The following SPOCK1 variants were observed in gnomAD, a reference collection of about 807,000 sequenced individuals.
The protein encoded by SPOCK1 is testican-1.
SPOCK1 carries 23 observed loss-of-function variants against 55.3 expected under a neutral mutation model. The ratio of observed to expected loss-of-function variants is 0.42; its 90% CI spans 0.30 to 0.59. The LOEUF is 0.59. SPOCK1 is among the 20% of genes least tolerant of loss of function. The pLI, the probability that SPOCK1 is intolerant of heterozygous loss-of-function variation, is 0.22. For missense variants in SPOCK1, 499 were observed against 552.5 expected, an observed-to-expected ratio of 0.90 and a Z score of 0.97; for synonymous variants, 226 against 221.0, an observed-to-expected ratio of 1.02 and a Z score of -0.20.
At position 137,237,234 on chromosome 5, in the gene SPOCK1, G is replaced by A. The variant is rs546303155; in HGVS notation, c.232+29776C>T. On this transcript the variant is annotated intron_variant, in intron 3 of 10. Coordinates refer to ENST00000394945, the MANE Select transcript of SPOCK1 (RefSeq NM_004598.4). The stretch of plus-strand genomic sequence containing the variant: ...GCACTGTGTGCAGATGAGGTCAAGC[G>A]GGCAGCCCACCATGAGCTCCCATTC... Among the ~76,000 whole-genome samples, 8 of 152,232 alleles carry A rather than the reference G, an allele frequency of 5.3e-5. No homozygotes were observed. In the South Asian group the frequency reaches 1.7e-3, roughly 32 times the overall value.
At chr5:137,081,491 C>A (rs1450047388) in intron 5 of SPOCK1, among the ~76,000 whole-genome samples, 1 of 152,194 alleles carries the variant, frequency 6.6e-6, no homozygotes, top group Non-Finnish European at 1.5e-5. Context: ...ACATAAGACA[C>A]CCATCACCAA....
rs1298715338 is a variant in SPOCK1, at chr5:137,245,771, CAAAACAAAAAA to C, written c.232+21228_232+21238del. Among the ~76,000 whole-genome samples the C allele has an allele frequency of 5.9e-3, 278 of 47,304 alleles. 1 individual carries two copies. The highest frequency in any genetic ancestry group is 7.1e-3 in the Non-Finnish European group (174 of 24,410). The allele number at this position is 47,304 out of a possible 152,430, so 31.0% of individuals were successfully genotyped here. On this transcript the variant is annotated intron_variant, in intron 3 of 10. Coordinates refer to ENST00000394945, the MANE Select transcript of SPOCK1 (RefSeq NM_004598.4). Reference sequence around the variant, plus strand: ...CATTTGTTAAAAAAACAAAACAAAACAAAACAAAAAAAAAACAAAAAAAAAAACTGTCTTGA... The same window carrying C: ...CATTTGTTAAAAAAACAAAACAAAACAAAACAAAAAAAAAAACTGTCTTGA...
At chr5:137,134,362 T>G (rs1753941795) in intron 4 of SPOCK1, among the ~76,000 whole-genome samples, 1 of 152,160 alleles carries the variant, frequency 6.6e-6, no homozygotes, top group Admixed American at 6.5e-5. Context: ...AGTGATGATG[T>G]TTCTGTTTAC....
At chr5:137,346,360 G>A (rs1250660046) in intron 2 of SPOCK1, among the ~76,000 whole-genome samples, 1 of 152,084 alleles carries the variant, frequency 6.6e-6, no homozygotes, top group Non-Finnish European at 1.5e-5. Flanking sequence ...TATCCTGAAT[G>A]GCTAATTTAA....
chr5:137,121,350 T>C (rs1262587751), intron 4 of SPOCK1, among the ~76,000 whole-genome samples: 3 of 152,042 alleles, frequency 2.0e-5, no homozygotes, highest in African/African-American at 7.2e-5. Context: ...AAAATATTTA[T>C]GTGGCAAGAC....
intron 2 of SPOCK1, among the ~76,000 whole-genome samples, chr5:137,423,045 G>A (rs1386914187): frequency 6.6e-6 from 1 of 152,214 alleles, no homozygotes; most frequent in Non-Finnish European, 1.5e-5. Flanking sequence ...TTTGCTGGAG[G>A]TCCACTCCAG....
chr5:137,186,479 C>T (rs1445093759), intron 3 of SPOCK1, among the ~76,000 whole-genome samples: 1 of 152,214 alleles, frequency 6.6e-6, no homozygotes, highest in Non-Finnish European at 1.5e-5. Context: ...TCAAAGAAAA[C>T]ATCTTCAAAG....
chr5:137,000,304 C>A (rs1047006045), intron 6 of SPOCK1, among the ~76,000 whole-genome samples: 1 of 152,192 alleles, frequency 6.6e-6, no homozygotes, highest in Admixed American at 6.5e-5. Context: ...GAAGGTCCAG[C>A]TGAGCCTTCC....
At chr5:137,065,261 G>A (rs1276716451) in intron 6 of SPOCK1, among the ~76,000 whole-genome samples, 1 of 149,010 alleles carries the variant, frequency 6.7e-6, no homozygotes, top group Non-Finnish European at 1.5e-5. Flanking sequence ...ATATTAGATA[G>A]TTAAACATGT....
At chr5:137,373,920 G>A (rs535356076) in intron 2 of SPOCK1, among the ~76,000 whole-genome samples, 19 of 152,240 alleles carry the variant, frequency 1.2e-4, no homozygotes, top group African/African-American at 4.3e-4. Flanking sequence ...ACACATTTAT[G>A]GAGCCCACAC....
intron 2 of SPOCK1, among the ~76,000 whole-genome samples, chr5:137,464,225 C>G (rs1372813829): frequency 6.6e-6 from 1 of 152,040 alleles, no homozygotes; most frequent in African/African-American, 2.4e-5. Flanking sequence ...TCACTTGAGC[C>G]CAGGAGGTTG....
chr5:137,102,713 A>G (rs1753293565), intron 5 of SPOCK1, among the ~76,000 whole-genome samples: 1 of 152,206 alleles, frequency 6.6e-6, no homozygotes, highest in African/African-American at 2.4e-5. Flanking sequence ...GCTACTTACT[A>G]GCGATATTGA....
At chr5:136,989,686 T>C (rs184725276) in intron 7 of SPOCK1, among the ~76,000 whole-genome samples, 18 of 152,214 alleles carry the variant, frequency 1.2e-4, no homozygotes, top group African/African-American at 4.1e-4. Flanking sequence ...ATCCAGAATC[T>C]ACATATTCTC....
intron 7 of SPOCK1, among the ~76,000 whole-genome samples, chr5:136,991,251 GAAA>G (rs138528266): frequency 6.6e-6 from 1 of 151,402 alleles, no homozygotes; most frequent in East Asian, 1.9e-4. Context: ...GGATCCAGGG[GAAA>G]AAAAATCTTA....
chr5:137,487,058 A>G (rs915107621), intron 2 of SPOCK1, among the ~76,000 whole-genome samples: 3 of 152,230 alleles, frequency 2.0e-5, no homozygotes, highest in Non-Finnish European at 4.4e-5. Flanking sequence ...GGAACAATGG[A>G]AAGACCTCCA....
At chr5:137,395,920 T>C (rs2127181576) in intron 2 of SPOCK1, among the ~76,000 whole-genome samples, 1 of 151,728 alleles carries the variant, frequency 6.6e-6, no homozygotes, top group Admixed American at 6.6e-5. Context: ...AAGATCCCAA[T>C]CCCCCCCAAT....
At chr5:137,040,235 G>A (rs1356266951) in intron 6 of SPOCK1, among the ~76,000 whole-genome samples, 2 of 152,238 alleles carry the variant, frequency 1.3e-5, no homozygotes, top group South Asian at 4.1e-4. Context: ...ATCCGAAGAG[G>A]TGGGAAGGAT....
intron 2 of SPOCK1, among the ~76,000 whole-genome samples, chr5:137,365,716 C>T (rs938735677): frequency 1.3e-5 from 2 of 152,044 alleles, no homozygotes; most frequent in Non-Finnish European, 2.9e-5. Context: ...AAACTTTCAC[C>T]AAGACGGGCA....
chr5:137,183,718 G>C (rs192497869), intron 3 of SPOCK1, among the ~76,000 whole-genome samples: 5 of 152,212 alleles, frequency 3.3e-5, no homozygotes, highest in African/African-American at 4.8e-5. Flanking sequence ...CTCTCGAAAG[G>C]CTAGCTGTGA....
Sources: allele counts gnomAD v4.1 joint callset (sites outside exome capture counted in the v4.1 genomes callset), GRCh38; gene constraint gnomAD v4.1.1; transcripts MANE v1.5; gene names NCBI Gene and HGNC (gene_info 2026-07-23, HGNC 2026-07-21).